BAZ1B: variants seen among roughly 807,000 people sequenced by gnomAD.
BAZ1B encodes the protein tyrosine-protein kinase BAZ1B.
Under a neutral mutation model 153.8 loss-of-function variants are expected in BAZ1B, and 22 were observed. That is an observed-to-expected ratio of 0.14 (90% CI 0.10 to 0.20). The LOEUF (loss-of-function observed/expected upper bound fraction) is 0.20, where lower values mean the gene tolerates loss of function less well. Ranked by LOEUF, BAZ1B falls within the 10% of genes least tolerant of loss-of-function variation. The probability of loss-of-function intolerance (pLI) is 1.00; values close to 1 mark genes in which losing one functional copy is unlikely to be tolerated. For synonymous variants in BAZ1B, 676 were observed against 633.4 expected, an observed-to-expected ratio of 1.07 and a Z score of -1.01; for missense variants, 1,325 against 1,799.3, an observed-to-expected ratio of 0.74 and a Z score of 4.77.
chr7:73,510,300 G>A (rs1790527177), intron 2 of BAZ1B, among the ~76,000 whole-genome samples: 1 of 151,974 alleles, frequency 6.6e-6, no homozygotes, highest in Admixed American at 6.6e-5. Context: ...TTGGTGGCGA[G>A]CACCTGTAGT....
In BAZ1B at chr7:73,442,284, T is replaced by G; in HGVS notation, c.4364A>C (p.Lys1455Thr). ...TTCAGCAAGCCTATCAGGAAACTTC[T>G]TGCGCTTCCTGCGGACATATGGGTG... is the stretch of plus-strand genomic sequence containing the variant. ...PGHPYVRRKRKKFPDRLAEDE... is the reference protein window; with the variant it reads ...PGHPYVRRKRTKFPDRLAEDE... Residue 1455 changes from lysine to threonine, a missense_variant, in exon 19 of 20, where the codon AAG (lysine) becomes ACG (threonine). This residue lies in a region of BAZ1B where 271 missense variants were observed against 337.2 expected (regional missense o/e 0.80). Transcript: ENST00000339594. 6.2e-7 allele frequency: 1 copy of G among 1,614,174 alleles called. No individual in the cohort carries two copies.
intron 3 of BAZ1B, among the ~76,000 whole-genome samples, chr7:73,501,664 C>T (rs1351822419): frequency 6.6e-6 from 1 of 152,044 alleles, no homozygotes; most frequent in Admixed American, 6.6e-5. Context: ...ATCAAGTTCC[C>T]TTCTGTCTAA....
At chr7:73,518,001 C>T (rs1790880025) in intron 1 of BAZ1B, among the ~76,000 whole-genome samples, 1 of 152,170 alleles carries the variant, frequency 6.6e-6, no homozygotes, top group Admixed American at 6.5e-5. Context: ...TCAAGATTTG[C>T]TTTTTACTCG....
intron 4 of BAZ1B, among the ~76,000 whole-genome samples, chr7:73,493,816 G>A (rs182989491): frequency 2.1e-5 from 3 of 143,926 alleles, no homozygotes; most frequent in Non-Finnish European, 4.5e-5. Context: ...TCCACACTAA[G>A]AGACAGAGTG....
At chr7:73,520,269 A>G (rs1790982835) in intron 1 of BAZ1B, among the ~76,000 whole-genome samples, 1 of 152,002 alleles carries the variant, frequency 6.6e-6, no homozygotes, top group African/African-American at 2.4e-5. Context: ...TGGTAGAGCT[A>G]GTGGAACTTC....
At position 73,469,611 on chromosome 7, in the gene BAZ1B, A is replaced by C; in HGVS notation, c.2772T>G (p.Ile924Met). ...LFSDEVPGLF[I>M]EKGWVHDSID... ...TGCTGTCATGTACCCAGCCTTTTTC[A>C]ATGAATAATCCTGGAACTTCATCTG... is the stretch of plus-strand genomic sequence containing the variant. The change falls in exon 9 of 20, where the codon ATT (isoleucine) becomes ATG (methionine). Residue 924 changes from isoleucine (I) to methionine (M), a missense_variant. By Grantham distance (10) the Ile-to-Met change is conservative (BLOSUM62 1). Transcript: ENST00000339594. The C allele has an allele frequency of 6.2e-7, 1 of 1,614,182 alleles. No homozygotes were observed. Among genetic ancestry groups the C allele is most frequent in the Non-Finnish European group, 8.5e-7 (1 of 1,180,020 alleles).
At chr7:73,494,570 C>A (rs1435319634) in intron 4 of BAZ1B, among the ~76,000 whole-genome samples, 3 of 151,942 alleles carry the variant, frequency 2.0e-5, no homozygotes, top group African/African-American at 7.3e-5. Flanking sequence ...CATGGTGAGA[C>A]CCTGTCTCTA....
intron 4 of BAZ1B, among the ~76,000 whole-genome samples, chr7:73,495,496 G>GGGAA (rs571626237): frequency 6.6e-6 from 1 of 152,174 alleles, no homozygotes; most frequent in Admixed American, 6.6e-5. Context: ...AGGAATGGCA[G>GGGAA]GGAAGGAAGG....
In BAZ1B at chr7:73,476,991, TTTC is replaced by T. The variant is rs781897180; in HGVS notation, c.2467_2469del (p.Glu823del). 1 of 1,614,238 alleles carries T rather than the reference TTTC, an allele frequency of 6.2e-7. No homozygotes were observed. Among genetic ancestry groups the T allele is most frequent in the Non-Finnish European group, 8.5e-7 (1 of 1,180,042 alleles). ...TCTACTTGGGGCTCAAACTTCACAA[TTTC>T]TTTTTTCCTATCAGTTTTGCCTAAC... On this transcript the variant is annotated inframe_deletion, in exon 7 of 20. Transcript: ENST00000339594.
intron 13 of BAZ1B, among the ~76,000 whole-genome samples, chr7:73,455,110 C>G (rs1361421091): frequency 6.6e-6 from 1 of 151,862 alleles, no homozygotes; most frequent in Non-Finnish European, 1.5e-5. Flanking sequence ...TGGTCTCGAA[C>G]TCCTGACCTC....
intron 13 of BAZ1B, 68 bp downstream of exon 13, chr7:73,459,468 T>TA: frequency 6.6e-7 from 1 of 1,516,746 alleles, no homozygotes; most frequent in Non-Finnish European, 8.9e-7. Flanking sequence ...TGCATAGGGT[T>TA]AGATTATTTT....
chr7:73,478,173 T>C lies in BAZ1B; in HGVS notation c.1288A>G (p.Thr430Ala). Residue 430 changes from threonine to alanine, a missense_variant, in exon 7 of 20, where the codon ACT becomes GCT. By Grantham distance (58) the Thr-to-Ala change is moderately conservative. Around this residue, in one of 9 missense-constraint regions of BAZ1B, gnomAD observed 219 missense variants for 248.2 expected, o/e 0.88. Transcript: ENST00000339594. ...NSKSPKKGLK[T>A]PKTKMKQMTL... ...ATCTGCTTCATTTTGGTTTTAGGAG[T>C]CTTCAGTCCTTTTTTGGGAGATTTG... is the stretch of plus-strand genomic sequence containing the variant. 1 of 1,614,004 alleles carries C rather than the reference T, an allele frequency of 6.2e-7. No homozygotes were observed. Among genetic ancestry groups the C allele is most frequent in the Non-Finnish European group, 8.5e-7 (1 of 1,180,004 alleles).
chr7:73,491,739 CA>C (rs1423818317), intron 5 of BAZ1B, among the ~76,000 whole-genome samples: 4 of 152,104 alleles, frequency 2.6e-5, no homozygotes, highest in Non-Finnish European at 1.5e-5. Context: ...AATAAAGAAG[CA>C]AAAGATTTGG....
At chr7:73,516,096 G>A (rs145481503) in intron 1 of BAZ1B, among the ~76,000 whole-genome samples, 4,746 of 152,154 alleles carry the variant, frequency 0.031, 149 homozygotes, top group Non-Finnish European at 0.037. Context: ...GCAGTGAGCC[G>A]AGATGGCACC....
At chr7:73,447,496 T>C in intron 15 of BAZ1B, 117 bp from the exon 16 acceptor site, 8 of 1,271,956 alleles carry the variant, frequency 6.3e-6, no homozygotes, top group Non-Finnish European at 8.4e-6. Flanking sequence ...ATGTATAACG[T>C]ATGATAATTC....
intron 16 of BAZ1B, 28 bp from the exon 17 acceptor site, chr7:73,444,157 A>G: frequency 6.4e-7 from 1 of 1,561,848 alleles, no homozygotes; most frequent in South Asian, 1.2e-5. Flanking sequence ...GATTCAGCAG[A>G]GAACAACGGA....
intron 3 of BAZ1B, among the ~76,000 whole-genome samples, chr7:73,499,548 TAAA>T (rs1790043777): frequency 6.6e-6 from 1 of 151,978 alleles, no homozygotes. Flanking sequence ...CAAAATAAAA[TAAA>T]ATTAGCCAAG....
intron 5 of BAZ1B, among the ~76,000 whole-genome samples, chr7:73,491,547 C>T (rs1202584415): frequency 6.6e-6 from 1 of 151,720 alleles, no homozygotes; most frequent in African/African-American, 2.4e-5. Flanking sequence ...TGCAGTGAGC[C>T]GAGATTGCGC....
chr7:73,519,095 T>C (rs1421128296), intron 1 of BAZ1B, among the ~76,000 whole-genome samples: 10 of 152,282 alleles, frequency 6.6e-5, no homozygotes, highest in African/African-American at 1.7e-4. Flanking sequence ...ATTTAACACC[T>C]AGTCATTAAA....
Sources: gnomAD v4.1 joint callset for allele counts (sites outside exome capture counted in the v4.1 genomes callset) on GRCh38, gnomAD v4.1.1 for gene constraint, gnomAD v4.1.1 regional missense constraint, MANE v1.5 for transcripts, NCBI Gene and HGNC (gene_info 2026-07-23, HGNC 2026-07-21) for gene names.